Variants in SYCP2L observed in about 807,000 individuals in gnomAD.
SYCP2L encodes synaptonemal complex protein 2 like.
In SYCP2L, 98 loss-of-function variants were observed where a neutral mutation model predicts 125.8. That is an observed-to-expected ratio of 0.78 (90% CI 0.66 to 0.92). The LOEUF (loss-of-function observed/expected upper bound fraction) is 0.92, where lower values mean the gene tolerates loss of function less well. Among genes scored for constraint, SYCP2L ranks in the 40% least tolerant of loss-of-function variants. SYCP2L has a pLI of 0.00. For synonymous variants in SYCP2L, 317 were observed against 325.4 expected (o/e 0.97, Z 0.28); for missense variants, 842 against 936.4 (o/e 0.90, Z 1.32).
rs1780864033 is a variant in SYCP2L, at chr6:10,924,484, A to C, written c.1073-12A>C. 1 of 1,554,262 alleles carries C rather than the reference A, an allele frequency of 6.4e-7. No homozygotes were observed. Among genetic ancestry groups the C allele is most frequent in the East Asian group, 2.3e-5 (1 of 42,998 alleles). On this transcript the variant is annotated splice_polypyrimidine_tract_variant and intron_variant, in intron 14 of 29. Coordinates refer to ENST00000283141, the MANE Select transcript of SYCP2L (RefSeq NM_001040274.3). ...ATGTTGCTATGCATTGATATTCCAT[A>C]TTTTCTCTTAGAAACGGAGAAGATA...
chr6:10,966,206 G>T (rs1781674001), intron 29 of SYCP2L, among the ~76,000 whole-genome samples: 1 of 152,136 alleles, frequency 6.6e-6, no homozygotes, highest in Non-Finnish European at 1.5e-5. Context: ...GCAGCATATT[G>T]TCATGACCAA....
rs191223189 is a variant in SYCP2L at position 10,964,031 on chromosome 6, C to T, written c.*37+188C>T. On this transcript the variant is annotated intron_variant, in intron 29 of 29. Coordinates refer to ENST00000283141, the MANE Select transcript of SYCP2L (RefSeq NM_001040274.3). ...GGAGTGCAGTGGCATGATCTCGGCT[C>T]ACTGCAAGCTCCGCCTCCCAGGTTC... Among the ~76,000 whole-genome samples, 486 of 150,790 alleles carry T rather than the reference C, an allele frequency of 3.2e-3. 3 individuals carry two copies. The highest frequency in any genetic ancestry group is 0.011 in the African/African-American group (466 of 41,014).
intron 14 of SYCP2L, among the ~76,000 whole-genome samples, chr6:10,913,718 T>A (rs925888932): frequency 6.6e-6 from 1 of 152,226 alleles, no homozygotes; most frequent in African/African-American, 2.4e-5. Context: ...GATCTTTAGT[T>A]TAATTAAGTC....
chr6:10,919,147 C>A (rs1470375219), intron 14 of SYCP2L, among the ~76,000 whole-genome samples: 1 of 151,992 alleles, frequency 6.6e-6, no homozygotes. Context: ...TGTTAAAGAA[C>A]CTTATTTTGT....
intron 14 of SYCP2L, among the ~76,000 whole-genome samples, chr6:10,920,036 GTGT>G (rs1348692703): frequency 6.6e-6 from 1 of 152,176 alleles, no homozygotes. Context: ...GAGTGAGGAA[GTGT>G]GGGGTCTTCA....
intron 29 of SYCP2L, among the ~76,000 whole-genome samples, chr6:10,969,066 C>T (rs1372095097): frequency 6.6e-6 from 1 of 152,154 alleles, no homozygotes; most frequent in Admixed American, 6.6e-5. Context: ...TTATTTTGTT[C>T]ATTCTCACAG....
intron 1 of SYCP2L, among the ~76,000 whole-genome samples, chr6:10,889,909 C>T (rs1034326538): frequency 3.9e-5 from 6 of 152,094 alleles, no homozygotes; most frequent in South Asian, 2.1e-4. Context: ...CATGAGCCAC[C>T]GCACCCGGCC....
At chr6:10,970,822 G>C (rs1303310876) in intron 29 of SYCP2L, among the ~76,000 whole-genome samples, 1 of 152,132 alleles carries the variant, frequency 6.6e-6, no homozygotes, top group Non-Finnish European at 1.5e-5. Flanking sequence ...AGTTGACCTA[G>C]GGACTCAGTA....
chr6:10,932,530 G>C (rs538392023), intron 20 of SYCP2L, among the ~76,000 whole-genome samples: 1 of 151,906 alleles, frequency 6.6e-6, no homozygotes, highest in African/African-American at 2.4e-5. Context: ...CATCTTCATC[G>C]TCTGTCTTCC....
At chr6:10,942,121 G>A (rs1477180263) in intron 21 of SYCP2L, among the ~76,000 whole-genome samples, 1 of 130,690 alleles carries the variant, frequency 7.7e-6, no homozygotes, top group African/African-American at 2.9e-5. Context: ...CACAGGAAAG[G>A]GAACATCACA....
At chr6:10,931,855 C>T (rs868612288) in intron 20 of SYCP2L, among the ~76,000 whole-genome samples, 2 of 151,640 alleles carry the variant, frequency 1.3e-5, no homozygotes, top group African/African-American at 4.8e-5. Context: ...GTCCCAGCTA[C>T]GCAGGAGGCT....
chr6:10,949,947 A>T (rs1781381257), intron 23 of SYCP2L, among the ~76,000 whole-genome samples: 1 of 151,782 alleles, frequency 6.6e-6, no homozygotes, highest in Admixed American at 6.6e-5. Context: ...CCTTGCCTTC[A>T]TTTAGATTTA....
chr6:10,903,324 G>A (rs541414248), intron 8 of SYCP2L, among the ~76,000 whole-genome samples: 9 of 151,848 alleles, frequency 5.9e-5, no homozygotes, highest in Admixed American at 3.3e-4. Context: ...CAAGGCGGGT[G>A]GATCACGAGG....
At chr6:10,933,893 C>T (rs1258169357) in intron 20 of SYCP2L, among the ~76,000 whole-genome samples, 1 of 152,130 alleles carries the variant, frequency 6.6e-6, no homozygotes, top group African/African-American at 2.4e-5. Flanking sequence ...TCCCCTTACA[C>T]TAATTCTAAT....
In SYCP2L at chr6:10,910,122, A is replaced by T. The variant is rs919867421; in HGVS notation, c.820-26A>T. The T allele has an allele frequency of 3.7e-6, 6 of 1,602,578 alleles. No individual in the cohort carries two copies. The African/African-American group carries it at 8.1e-5, about 22-fold the overall frequency. On this transcript the variant is annotated intron_variant, in intron 10 of 29. Coordinates refer to ENST00000283141, the MANE Select transcript of SYCP2L (RefSeq NM_001040274.3). ...TAAGACATCTTGATTTTTTTTTAAT[A>T]AAAGTTTATATCATTTGCTTTGAAG...
chr6:10,966,152 A>C (rs1276307368), intron 29 of SYCP2L, among the ~76,000 whole-genome samples: 5 of 152,054 alleles, frequency 3.3e-5, no homozygotes, highest in Non-Finnish European at 5.9e-5. Flanking sequence ...CAACAACAAC[A>C]ACCACACCAA....
intron 21 of SYCP2L, among the ~76,000 whole-genome samples, chr6:10,941,757 G>A (rs549496617): frequency 9.2e-5 from 14 of 152,192 alleles, no homozygotes; most frequent in Admixed American, 5.2e-4. Context: ...GATTCCTCAG[G>A]GATCTAGAAC....
chr6:10,905,142 C>CAAAAAAAAAAAAAA (rs34659978), intron 8 of SYCP2L, among the ~76,000 whole-genome samples: 1 of 54,662 alleles, frequency 1.8e-5, no homozygotes, highest in Non-Finnish European at 3.2e-5. Context: ...GACTTGGTCT[C>CAAAAAAAAAAAAAA]AAAAAAAAAA....
At chr6:10,947,165 G>A (rs1382936562) in intron 23 of SYCP2L, among the ~76,000 whole-genome samples, 4 of 152,006 alleles carry the variant, frequency 2.6e-5, no homozygotes, top group South Asian at 4.1e-4. Context: ...AGGTCCTTTT[G>A]TGTAGTTCCT....
Sources: gnomAD v4.1 joint callset for allele counts (sites outside exome capture counted in the v4.1 genomes callset) on GRCh38, gnomAD v4.1.1 for gene constraint, MANE v1.5 for transcripts, NCBI Gene and HGNC (gene_info 2026-07-23, HGNC 2026-07-21) for gene names.